The following CARMIL1 variants were observed in gnomAD, a reference collection of about 807,000 sequenced individuals.
CARMIL1 encodes F-actin-uncapping protein LRRC16A.
In CARMIL1, 90 loss-of-function variants were observed where a neutral mutation model predicts 177.1. The ratio of observed to expected loss-of-function variants is 0.51; its 90% confidence interval spans 0.43 to 0.61. The LOEUF (loss-of-function observed/expected upper bound fraction) is 0.61, where lower values mean the gene tolerates loss of function less well. Ranked by LOEUF, CARMIL1 falls within the 20% of genes least tolerant of loss-of-function variation. CARMIL1 has a pLI of 0.00. For synonymous variants in CARMIL1, 577 were observed against 606.2 expected (o/e 0.95, Z 0.71); for missense variants, 1,380 against 1,667.0 (o/e 0.83, Z 3.00).
intron 2 of CARMIL1, among the ~76,000 whole-genome samples, chr6:25,308,166 G>T (rs942038673): frequency 6.6e-6 from 1 of 152,068 alleles, no homozygotes; most frequent in Non-Finnish European, 1.5e-5. Context: ...CTTATTTCTT[G>T]TCTCTTTTGG....
chr6:25,595,790 A>G (rs1480346489), intron 32 of CARMIL1, among the ~76,000 whole-genome samples: 1 of 152,220 alleles, frequency 6.6e-6, no homozygotes, highest in Non-Finnish European at 1.5e-5. Context: ...ACACAAACAT[A>G]TAGCAAAATG....
At chr6:25,464,065 G>A (rs530265735) in intron 8 of CARMIL1, among the ~76,000 whole-genome samples, 118 of 152,014 alleles carry the variant, frequency 7.8e-4, no homozygotes, top group Non-Finnish European at 8.8e-4. Flanking sequence ...CTCGTGATCC[G>A]CCCGTCTCGG....
chr6:25,337,778 T>C (rs1016237705), intron 2 of CARMIL1, among the ~76,000 whole-genome samples: 1 of 152,240 alleles, frequency 6.6e-6, no homozygotes, highest in African/African-American at 2.4e-5. Context: ...CAAAGAATCA[T>C]GTTTGGTCAG....
At chr6:25,414,886 G>A (rs114441915) in intron 2 of CARMIL1, among the ~76,000 whole-genome samples, 1,577 of 152,182 alleles carry the variant, frequency 0.01, 37 homozygotes, top group African/African-American at 0.034. Context: ...TTCAAAGCCT[G>A]GGCTCCCTTA....
intron 2 of CARMIL1, among the ~76,000 whole-genome samples, chr6:25,372,557 T>C (rs1409706787): frequency 6.6e-6 from 1 of 152,182 alleles, no homozygotes; most frequent in Non-Finnish European, 1.5e-5. Flanking sequence ...TTGTTGTTGG[T>C]GTATGGCAGT....
intron 2 of CARMIL1, among the ~76,000 whole-genome samples, chr6:25,412,264 A>T (rs1385487569): frequency 6.6e-6 from 1 of 152,198 alleles, no homozygotes; most frequent in Non-Finnish European, 1.5e-5. Flanking sequence ...TGAAGTGTAA[A>T]TATTTCTCTC....
intron 31 of CARMIL1, 117 bp downstream of exon 31, chr6:25,581,556 A>G (rs1289151256): frequency 5.5e-6 from 5 of 908,758 alleles, no homozygotes; most frequent in Non-Finnish European, 6.5e-6. Context: ...TAAGGAGACT[A>G]GAACCTCTTT....
At chr6:25,500,297 C>T in intron 17 of CARMIL1, 62 bp downstream of exon 17, 1 of 1,430,730 alleles carries the variant, frequency 7.0e-7, no homozygotes, top group Non-Finnish European at 9.8e-7. Flanking sequence ...TTGCCTTTTT[C>T]CTGGATAAAA....
chr6:25,429,194 C>A (rs887043156), intron 4 of CARMIL1, among the ~76,000 whole-genome samples: 1 of 152,156 alleles, frequency 6.6e-6, no homozygotes, highest in African/African-American at 2.4e-5. Context: ...GAATAAAGAA[C>A]AGGCTTGCTT....
chr6:25,605,653 C>G (rs1815882310), intron 34 of CARMIL1, among the ~76,000 whole-genome samples: 1 of 152,158 alleles, frequency 6.6e-6, no homozygotes, highest in Non-Finnish European at 1.5e-5. Flanking sequence ...AGCCAGAGCC[C>G]TAACTGCTTA....
chr6:25,423,509 G>T (rs1042195320), intron 3 of CARMIL1, among the ~76,000 whole-genome samples: 7 of 152,308 alleles, frequency 4.6e-5, no homozygotes, highest in Non-Finnish European at 8.8e-5. Flanking sequence ...CAGTGCATTT[G>T]GGGAGCTGGA....
chr6:25,615,967 G>T (rs1429595414), intron 36 of CARMIL1, among the ~76,000 whole-genome samples: 2 of 152,144 alleles, frequency 1.3e-5, no homozygotes, highest in Non-Finnish European at 2.9e-5. Context: ...TCACGTTCGA[G>T]CCTCTCTGTA....
chr6:25,592,872 C>G (rs1814454639), intron 31 of CARMIL1, among the ~76,000 whole-genome samples: 1 of 152,212 alleles, frequency 6.6e-6, no homozygotes, highest in Admixed American at 6.5e-5. Flanking sequence ...CATGCTCTCT[C>G]TCAGTCATCC....
intron 32 of CARMIL1, among the ~76,000 whole-genome samples, chr6:25,595,409 C>T (rs912879276): frequency 6.6e-6 from 1 of 152,130 alleles, no homozygotes; most frequent in Non-Finnish European, 1.5e-5. Flanking sequence ...GGTGAGGTGG[C>T]AGTGGGTTAA....
At position 25,509,522 on chromosome 6, in the gene CARMIL1, G is replaced by A; in HGVS notation, c.1396-134G>A. ...TTACCCACTGATAATAGCTTCTTTGGAGTTGATAAGCTTTTACTTTTTCTT... is the reference window on the plus strand; with the variant it reads ...TTACCCACTGATAATAGCTTCTTTGAAGTTGATAAGCTTTTACTTTTTCTT... On this transcript the variant is annotated intron_variant, in intron 17 of 36. Transcript: ENST00000329474. The surrounding 1 kb of genome is among the most constrained non-coding windows in gnomAD (Gnocchi z 4.1). 7.7e-6 allele frequency: 5 copies of A among 649,818 alleles called. No homozygotes were observed. Among genetic ancestry groups the A allele is most frequent in the Non-Finnish European group, 1.4e-5 (5 of 370,164 alleles). The allele number at this position is 649,818 out of a possible 1,614,324, so 40.3% of individuals were successfully genotyped here.
chr6:25,563,334 C>T, intron 29 of CARMIL1: 1 of 985,288 alleles, frequency 1.0e-6, no homozygotes, highest in Non-Finnish European at 1.2e-6. Context: ...GAAAGGTTTC[C>T]TCTTTAATTT....
intron 26 of CARMIL1, among the ~76,000 whole-genome samples, chr6:25,547,433 G>C (rs906254494): frequency 6.6e-6 from 1 of 152,148 alleles, no homozygotes. Context: ...AGGAAAATAT[G>C]CAGAGGTAGA....
chr6:25,530,006 A>C (rs758204831), intron 24 of CARMIL1, among the ~76,000 whole-genome samples: 1 of 152,122 alleles, frequency 6.6e-6, no homozygotes, highest in Non-Finnish European at 1.5e-5. Context: ...AGAATAATCA[A>C]CAGCCTTCTA....
rs538836526 is a variant in CARMIL1 at position 25,606,426 on chromosome 6, G to A, written c.3847+153G>A. ...TCACAAGAAACCTATGCAAAGCTGT[G>A]AAAGTGATGAGAGCTGACGGATTCT... is the stretch of plus-strand genomic sequence containing the variant. On this transcript the variant is annotated intron_variant, in intron 35 of 36. Coordinates refer to ENST00000329474, the MANE Select transcript of CARMIL1 (RefSeq NM_017640.6). Among the ~76,000 whole-genome samples, 132 of 152,334 alleles carry A rather than the reference G, an allele frequency of 8.7e-4. 1 individual carries two copies. The highest frequency in any genetic ancestry group is 1.8e-3 in the Non-Finnish European group (120 of 68,038).
Sources: allele counts gnomAD v4.1 joint callset (sites outside exome capture counted in the v4.1 genomes callset), GRCh38; gene constraint gnomAD v4.1.1; non-coding constraint Gnocchi (gnomAD v3.1); transcripts MANE v1.5; gene names NCBI Gene and HGNC (gene_info 2026-07-23, HGNC 2026-07-21).